The following NEBL variants were observed in gnomAD, a reference collection of about 807,000 sequenced individuals.
The protein encoded by NEBL is LIM and SH3 protein 2.
NEBL carries 122 observed loss-of-function variants against 140.2 expected under a neutral mutation model. That is an observed-to-expected ratio of 0.87 (90% CI 0.75 to 1.01). The LOEUF (loss-of-function observed/expected upper bound fraction) is 1.01, where lower values mean the gene tolerates loss of function less well. NEBL is among the 50% of genes least tolerant of loss of function. The pLI is 0.00. For missense variants in NEBL, 1,365 were observed against 1,231.3 expected (o/e 1.11, Z -1.62); for synonymous variants, 436 against 398.9 (o/e 1.09, Z -1.11).
intron 2 of NEBL, among the ~76,000 whole-genome samples, chr10:21,132,237 T>C (rs992300138): frequency 7.2e-5 from 11 of 152,190 alleles, no homozygotes; most frequent in African/African-American, 2.7e-4. Context: ...AATCATATCA[T>C]ATGTGGCCTT....
intron 7 of NEBL, among the ~76,000 whole-genome samples, chr10:20,864,638 G>A (rs759053620): frequency 6.6e-6 from 1 of 152,074 alleles, no homozygotes; most frequent in Non-Finnish European, 1.5e-5. Context: ...TTTTCTCCCT[G>A]CATTCTATCC....
At chr10:21,071,334 C>G (rs994608213) in intron 2 of NEBL, among the ~76,000 whole-genome samples, 1 of 151,626 alleles carries the variant, frequency 6.6e-6, no homozygotes, top group Non-Finnish European at 1.5e-5. Context: ...CCACAAAACC[C>G]AAAAATGAAT....
At chr10:21,267,355 C>A (rs1197065882) in intron 1 of NEBL, among the ~76,000 whole-genome samples, 1 of 152,106 alleles carries the variant, frequency 6.6e-6, no homozygotes, top group Non-Finnish European at 1.5e-5. Context: ...CTCAAGTGAT[C>A]TGCCCACCTC....
At chr10:20,884,387 T>C (rs1313411959) in intron 4 of NEBL, among the ~76,000 whole-genome samples, 3 of 152,166 alleles carry the variant, frequency 2.0e-5, no homozygotes, top group Admixed American at 6.5e-5. Context: ...AAATGTGGCA[T>C]TGAAATTGGG....
chr10:21,181,749 T>C (rs1423570355), intron 3 of NEBL, among the ~76,000 whole-genome samples: 3 of 152,234 alleles, frequency 2.0e-5, no homozygotes, highest in Admixed American at 2.0e-4. Flanking sequence ...CCCTCTATAA[T>C]GTTGGCTGGC....
chr10:21,029,093 C>T (rs1833667445), intron 2 of NEBL: 3 of 1,193,964 alleles, frequency 2.5e-6, no homozygotes, highest in African/African-American at 1.5e-5. Context: ...GGAGGAAGCA[C>T]CTATGTTTCC....
Position 20,783,514 on chromosome 10 carries a change from G to A in NEBL, c.*2233C>T, listed in dbSNP as rs535972429. Reference sequence around the variant, plus strand: ...GCTCAGTGAATCTGGTTTTGAAATCGGTGGATGAAATTACTTTCCTGATTA... The same window carrying A: ...GCTCAGTGAATCTGGTTTTGAAATCAGTGGATGAAATTACTTTCCTGATTA... On this transcript the variant is annotated 3_prime_UTR_variant, in exon 28 of 28. Transcript: ENST00000377122. 15 of 152,178 alleles carry A rather than the reference G, an allele frequency of 9.9e-5. No homozygotes were observed. The highest frequency in any genetic ancestry group is 3.4e-4 in the African/African-American group (14 of 41,532). 9.4% of individuals were successfully genotyped at this position (152,178 alleles called of 1,614,324 possible).
intron 4 of NEBL, among the ~76,000 whole-genome samples, chr10:20,930,076 T>C (rs187452158): frequency 1.6e-4 from 24 of 152,280 alleles, no homozygotes; most frequent in African/African-American, 5.8e-4. Flanking sequence ...GCCTCTTCTC[T>C]GCCTTCTCCC....
At chr10:20,942,798 CA>C (rs1229286298) in intron 4 of NEBL, among the ~76,000 whole-genome samples, 1 of 152,156 alleles carries the variant, frequency 6.6e-6, no homozygotes, top group African/African-American at 2.4e-5. Context: ...AGACACTTCT[CA>C]AAAGAAGACA....
At chr10:21,187,258 T>A (rs899270168) in intron 3 of NEBL, among the ~76,000 whole-genome samples, 1 of 151,990 alleles carries the variant, frequency 6.6e-6, no homozygotes, top group Non-Finnish European at 1.5e-5. Context: ...GTCAATTAAA[T>A]CTCTTCCCTT....
chr10:21,062,694 A>T (rs1589192324), intron 2 of NEBL, among the ~76,000 whole-genome samples: 1 of 151,842 alleles, frequency 6.6e-6, no homozygotes, highest in African/African-American at 2.4e-5. Context: ...CTCTAAAAAA[A>T]AAAGGAAAGA....
At chr10:21,071,964 G>C (rs1313134203) in intron 2 of NEBL, among the ~76,000 whole-genome samples, 1 of 152,078 alleles carries the variant, frequency 6.6e-6, no homozygotes, top group African/African-American at 2.4e-5. Flanking sequence ...GACTACAGGT[G>C]CCTGCCACCA....
chr10:21,199,476 T>C (rs1361277587), intron 3 of NEBL, among the ~76,000 whole-genome samples: 2 of 152,246 alleles, frequency 1.3e-5, no homozygotes, highest in African/African-American at 4.8e-5. Context: ...CATATCTGAA[T>C]TCTTCCTATT....
intron 5 of NEBL, among the ~76,000 whole-genome samples, chr10:20,871,462 A>G (rs779347675): frequency 5.3e-5 from 8 of 152,236 alleles, no homozygotes; most frequent in Non-Finnish European, 1.2e-4. Flanking sequence ...AATAAGATCA[A>G]GTGTAAGAAG....
intron 1 of NEBL, among the ~76,000 whole-genome samples, chr10:21,277,519 A>G (rs948971429): frequency 4.6e-5 from 7 of 152,156 alleles, no homozygotes; most frequent in Non-Finnish European, 8.8e-5. Context: ...CCAAAACTTA[A>G]CCTTTCTAGG....
At chr10:21,143,509 A>G (rs1839747697) in intron 2 of NEBL, among the ~76,000 whole-genome samples, 1 of 152,106 alleles carries the variant, frequency 6.6e-6, no homozygotes, top group African/African-American at 2.4e-5. Flanking sequence ...ACTTAGCACA[A>G]CAATTCAATG....
At chr10:20,835,178 C>T (rs1840751135) in intron 14 of NEBL, among the ~76,000 whole-genome samples, 1 of 152,112 alleles carries the variant, frequency 6.6e-6, no homozygotes, top group Non-Finnish European at 1.5e-5. Flanking sequence ...AGCACATGAT[C>T]CATTAAAAAA....
upstream of NEBL, among the ~76,000 whole-genome samples, chr10:20,898,948 A>C (rs1227054819): frequency 6.6e-6 from 1 of 152,190 alleles, no homozygotes; most frequent in African/African-American, 2.4e-5. Context: ...TTTTTGATAC[A>C]GGCTAAATTA....
chr10:21,160,247 G>A (rs1345922943), intron 2 of NEBL, among the ~76,000 whole-genome samples: 1 of 151,970 alleles, frequency 6.6e-6, no homozygotes, highest in Non-Finnish European at 1.5e-5. Flanking sequence ...CATTCTGCAG[G>A]ACACTTCCTG....
Sources: allele counts gnomAD v4.1 joint callset (sites outside exome capture counted in the v4.1 genomes callset), GRCh38; gene constraint gnomAD v4.1.1; transcripts MANE v1.5; gene names NCBI Gene and HGNC (gene_info 2026-07-23, HGNC 2026-07-21).